ZBTB20: variants seen among roughly 807,000 people sequenced by gnomAD.
The protein encoded by ZBTB20 is zinc finger and BTB domain containing 20.
Under a neutral mutation model 56.9 loss-of-function variants are expected in ZBTB20, and 9 were observed. The observed-to-expected ratio is 0.16, with a 90% confidence interval of 0.10 to 0.28. The LOEUF is 0.28. Ranked by LOEUF, ZBTB20 falls within the 10% of genes least tolerant of loss-of-function variation. The pLI, the probability that ZBTB20 is intolerant of heterozygous loss-of-function variation, is 1.00. For missense variants in ZBTB20, 655 were observed against 1,003.0 expected, an observed-to-expected ratio of 0.65 and a Z score of 4.69; for synonymous variants, 417 against 420.7, an observed-to-expected ratio of 0.99 and a Z score of 0.11.
chr3:115,015,285 A>C (rs2079902131), intron 2 of ZBTB20, among the ~76,000 whole-genome samples: 1 of 151,826 alleles, frequency 6.6e-6, no homozygotes, highest in Non-Finnish European at 1.5e-5. Flanking sequence ...ACATAAATAA[A>C]GTTATTTTGG....
rs552416998 is a variant in ZBTB20 at position 114,335,984 on chromosome 3, T to A, written c.*3021A>T. The stretch of plus-strand genomic sequence containing the variant: ...CAGCATTAAGGCAAATGGGTCTCTC[T>A]CAGATTTGAGAAACAGAAAGCTACA... On this transcript the variant is annotated 3_prime_UTR_variant, in exon 12 of 12. Transcript: ENST00000675478. The A allele has an allele frequency of 2.0e-5, 3 of 152,318 alleles. No individual in the cohort carries two copies. Among genetic ancestry groups the A allele is most frequent in the Admixed American group, 2.0e-4 (3 of 15,310 alleles). The allele number at this position is 152,318 out of a possible 1,614,324, so 9.4% of individuals were successfully genotyped here. A position where few individuals can be genotyped will look rare whatever the true frequency, so the allele number is the denominator to read the frequency against.
intron 7 of ZBTB20, among the ~76,000 whole-genome samples, chr3:114,459,357 C>T (rs1424115866): frequency 6.6e-6 from 1 of 152,082 alleles, no homozygotes; most frequent in African/African-American, 2.4e-5. Context: ...TTTTGAGAAC[C>T]AGTGGTCAAG....
intron 7 of ZBTB20, among the ~76,000 whole-genome samples, chr3:114,416,998 A>G (rs1430661711): frequency 3.3e-5 from 5 of 152,108 alleles, no homozygotes; most frequent in Non-Finnish European, 7.4e-5. Context: ...GTGGAAAAAA[A>G]GAGTTTGTTT....
chr3:114,426,208 G>A (rs1039932008), intron 7 of ZBTB20, among the ~76,000 whole-genome samples: 4 of 151,790 alleles, frequency 2.6e-5, no homozygotes, highest in East Asian at 3.9e-4. Flanking sequence ...GCGTGGTGGC[G>A]GGCGCCTGTA....
intron 4 of ZBTB20, among the ~76,000 whole-genome samples, chr3:114,865,204 T>C (rs911346577): frequency 5.3e-5 from 8 of 152,158 alleles, no homozygotes; most frequent in Admixed American, 4.6e-4. Flanking sequence ...CTTCTAGGGC[T>C]TCTACCCCTC....
intron 3 of ZBTB20, among the ~76,000 whole-genome samples, chr3:114,936,888 T>C (rs1171718343): frequency 6.6e-6 from 1 of 152,126 alleles, no homozygotes; most frequent in Non-Finnish European, 1.5e-5. Flanking sequence ...GTAGAATCTA[T>C]ACATGATAAA....
chr3:115,068,298 G>A (rs2082281668), intron 2 of ZBTB20, among the ~76,000 whole-genome samples: 2 of 151,946 alleles, frequency 1.3e-5, no homozygotes, highest in African/African-American at 4.8e-5. Context: ...TAAAATAACT[G>A]TATGGAAATG....
chr3:114,566,060 A>G (rs1306032328), intron 6 of ZBTB20, among the ~76,000 whole-genome samples: 4 of 148,672 alleles, frequency 2.7e-5, no homozygotes, highest in Non-Finnish European at 5.9e-5. Flanking sequence ...CGAAAGAAAC[A>G]CCCTATTTAC....
rs185745733 is a variant in ZBTB20 at position 114,546,260 on chromosome 3, T to C, written c.-294-45869A>G. 3.3e-5 allele frequency among the ~76,000 whole-genome samples: 5 copies of C among 152,318 alleles called. No individual in the cohort carries two copies. In the East Asian group the frequency reaches 9.6e-4, roughly 29 times the overall value. ...CAGAAAGCAGCCTGGGTGGGCATGC[T>C]TATCAAATGTGCTCATTTAAGGATA... On this transcript the variant is annotated intron_variant, in intron 6 of 11. Coordinates refer to ENST00000675478, the MANE Select transcript of ZBTB20 (RefSeq NM_001348800.3).
chr3:114,656,641 C>T (rs1457649957), intron 6 of ZBTB20, among the ~76,000 whole-genome samples: 1 of 152,108 alleles, frequency 6.6e-6, no homozygotes, highest in Non-Finnish European at 1.5e-5. Flanking sequence ...ACTTCAATGA[C>T]TCTTCAAAAA....
chr3:114,986,084 C>T (rs908683280), intron 2 of ZBTB20, among the ~76,000 whole-genome samples: 3 of 152,000 alleles, frequency 2.0e-5, no homozygotes, highest in Non-Finnish European at 4.4e-5. Context: ...AAAATTTGAT[C>T]AGAAAGTGTG....
intron 2 of ZBTB20, among the ~76,000 whole-genome samples, chr3:115,055,187 ATCTCTCTCTCTC>A (rs58480744): frequency 0.043 from 4,387 of 103,176 alleles, 115 homozygotes; most frequent in South Asian, 0.064. Flanking sequence ...CCTCCTGGTA[ATCTCTCTCTCTC>A]TCTCTCTCTC....
At chr3:114,557,900 C>T (rs2051461132) in intron 6 of ZBTB20, among the ~76,000 whole-genome samples, 1 of 151,894 alleles carries the variant, frequency 6.6e-6, no homozygotes. Context: ...TTATGATTTA[C>T]CATTTACTAA....
At chr3:114,761,497 C>T (rs369584463) in intron 5 of ZBTB20, among the ~76,000 whole-genome samples, 6 of 152,076 alleles carry the variant, frequency 3.9e-5, no homozygotes, top group African/African-American at 1.4e-4. Context: ...AGATTTATTA[C>T]TTTATAGTTA....
At chr3:115,097,659 C>A (rs967104764) in intron 1 of ZBTB20, among the ~76,000 whole-genome samples, 1 of 152,124 alleles carries the variant, frequency 6.6e-6, no homozygotes, top group Admixed American at 6.5e-5. Flanking sequence ...TAAAATGAAA[C>A]ACACTGTGAC....
chr3:114,937,412 T>G (rs2076572926), intron 3 of ZBTB20, among the ~76,000 whole-genome samples: 1 of 151,588 alleles, frequency 6.6e-6, no homozygotes, highest in African/African-American at 2.4e-5. Flanking sequence ...GACATAAATG[T>G]CTTCTTCTTC....
intron 7 of ZBTB20, among the ~76,000 whole-genome samples, chr3:114,461,243 C>T (rs1373839018): frequency 6.6e-6 from 1 of 150,980 alleles, no homozygotes; most frequent in Non-Finnish European, 1.5e-5. Flanking sequence ...TAACAGAGGT[C>T]AGAAAAAAGA....
chr3:114,434,538 T>TGG (rs1028671747), intron 7 of ZBTB20, among the ~76,000 whole-genome samples: 1 of 57,414 alleles, frequency 1.7e-5, no homozygotes, highest in East Asian at 8.0e-4. Context: ...CTTCTGCAAT[T>TGG]GGGGTGTGTG....
chr3:114,361,866 G>A (rs556492838), intron 10 of ZBTB20, among the ~76,000 whole-genome samples: 1 of 152,308 alleles, frequency 6.6e-6, no homozygotes, highest in African/African-American at 2.4e-5. Flanking sequence ...TCATCTGGGG[G>A]CTGGGCCAAT....
Sources: allele counts gnomAD v4.1 joint callset (sites outside exome capture counted in the v4.1 genomes callset), GRCh38; gene constraint gnomAD v4.1.1; transcripts MANE v1.5; gene names NCBI Gene and HGNC (gene_info 2026-07-23, HGNC 2026-07-21).